The following APPL1 variants were observed in gnomAD, a reference collection of about 807,000 sequenced individuals.
APPL1 encodes the protein adaptor protein, phosphotyrosine interacting with PH domain and leucine zipper 1, also known as DCC-interacting protein 13-alpha.
APPL1 carries 42 observed loss-of-function variants against 106.8 expected under a neutral mutation model. The ratio of observed to expected loss-of-function variants is 0.39; its 90% CI spans 0.31 to 0.51. The LOEUF (loss-of-function observed/expected upper bound fraction) is 0.51. APPL1 is among the 20% of genes least tolerant of loss of function. The pLI, the probability that APPL1 is intolerant of heterozygous loss-of-function variation, is 0.75. For missense variants in APPL1, 769 were observed against 858.2 expected (o/e 0.90, Z 1.30); for synonymous variants, 263 against 281.8 (o/e 0.93, Z 0.67).
At chr3:57,235,977 C>T (rs554528244) in intron 2 of APPL1, among the ~76,000 whole-genome samples, 5 of 152,164 alleles carry the variant, frequency 3.3e-5, no homozygotes, top group East Asian at 1.9e-4. Flanking sequence ...ATGAAGACCC[C>T]ATGTCATCAC....
At chr3:57,260,895 C>T in intron 19 of APPL1, 121 bp downstream of exon 19, 2 of 1,129,412 alleles carry the variant, frequency 1.8e-6, no homozygotes, top group Non-Finnish European at 2.4e-6. Flanking sequence ...GAATTCTTTA[C>T]AATTTATACA....
Position 57,253,724 on chromosome 3 carries a change from A to C in APPL1, c.1138A>C (p.Ser380Arg). The C allele has an allele frequency of 6.9e-7, 1 of 1,441,154 alleles. No individual in the cohort carries two copies. The highest frequency in any genetic ancestry group is 9.2e-7 in the Non-Finnish European group (1 of 1,087,726). 89.3% of individuals were successfully genotyped at this position (1,441,154 alleles called of 1,614,324 possible). A position where few individuals can be genotyped will look rare whatever the true frequency, so the allele number is the denominator to read the frequency against. Reference sequence around the variant, plus strand: ...CAACATATCTAAACAAATATACTTAAGTGAAAATCCAGAGGTAATATTTTT... The same window carrying C: ...CAACATATCTAAACAAATATACTTACGTGAAAATCCAGAGGTAATATTTTT... ...INNISKQIYL[S>R]ENPEETAARV... Residue 380 changes from serine (S) to arginine (R), a missense_variant, in exon 13 of 22, where the codon AGT (serine) becomes CGT (arginine). By Grantham distance (110) the Ser-to-Arg change is moderately radical (BLOSUM62 -1). Transcript: ENST00000288266.
intron 12 of APPL1, 139 bp from the exon 13 acceptor site, chr3:57,253,543 T>A (rs1579394355): frequency 1.8e-6 from 1 of 550,378 alleles, no homozygotes; most frequent in East Asian, 5.4e-5. Context: ...AAACATCTGT[T>A]ATGAAATGTT....
Position 57,259,954 on chromosome 3 carries a change from C to T in APPL1, c.1593C>T (p.Ala531=). 6.2e-7 allele frequency: 1 copy of T among 1,613,884 alleles called. No individual in the cohort carries two copies. Among genetic ancestry groups the T allele is most frequent in the Non-Finnish European group, 8.5e-7 (1 of 1,179,970 alleles). The change falls in exon 17 of 22, where the codon GCC becomes GCT. Residue 531 remains alanine, a synonymous_variant. Transcript: ENST00000288266. ...VYETMRQILA[A]RAIHNIFRMT... ...AAACTATGCGCCAAATCTTAGCTGC[C>T]CGGGCCATCCATAACATCTTTCGTA...
chr3:57,240,810 C>T (rs990961302), intron 5 of APPL1, among the ~76,000 whole-genome samples: 3 of 152,092 alleles, frequency 2.0e-5, no homozygotes, highest in Admixed American at 6.5e-5. Flanking sequence ...ACTTATGTCT[C>T]TTATAATTAG....
At chr3:57,246,010 A>G in intron 7 of APPL1, 66 bp from the exon 8 acceptor site, 4 of 1,211,110 alleles carry the variant, frequency 3.3e-6, no homozygotes, top group Non-Finnish European at 4.4e-6. Flanking sequence ...CCTACTGAAG[A>G]TAATACAAAA....
At chr3:57,237,647 C>A in intron 3 of APPL1, 96 bp downstream of exon 3, 2 of 817,106 alleles carry the variant, frequency 2.4e-6, no homozygotes, top group Admixed American at 3.2e-5. Flanking sequence ...CTTGAATTCA[C>A]AGAATATGCC....
chr3:57,243,805 T>A (rs1232271152), intron 7 of APPL1, among the ~76,000 whole-genome samples: 2 of 152,196 alleles, frequency 1.3e-5, no homozygotes, highest in Non-Finnish European at 2.9e-5. Context: ...TTTGATATAT[T>A]TTACATTACT....
intron 16 of APPL1, 39 bp from the exon 17 acceptor site, chr3:57,259,806 G>GT (rs1376528100): frequency 2.1e-6 from 3 of 1,415,868 alleles, no homozygotes; most frequent in Non-Finnish European, 2.8e-6. Context: ...AATTTATACA[G>GT]TAAAAAAAAA....
intron 12 of APPL1, 63 bp downstream of exon 12, chr3:57,252,374 A>G: frequency 5.8e-6 from 7 of 1,215,348 alleles, no homozygotes; most frequent in Non-Finnish European, 7.1e-6. Flanking sequence ...ATGACAAAAC[A>G]TATATTAATG....
intron 13 of APPL1, among the ~76,000 whole-genome samples, chr3:57,256,330 T>C (rs2060835974): frequency 2.2e-5 from 1 of 45,256 alleles, no homozygotes; most frequent in African/African-American, 8.8e-5. Context: ...TAAATACCAT[T>C]TTTTATTTAG....
Position 57,259,092 on chromosome 3 carries a change from G to A in APPL1, c.1483+12G>A, listed in dbSNP as rs2060851904. The A allele has an allele frequency of 1.9e-6, 3 of 1,606,110 alleles. No individual in the cohort carries two copies. Among genetic ancestry groups the A allele is most frequent in the Non-Finnish European group, 2.6e-6 (3 of 1,174,594 alleles). ...ATCTGAAACTGAAGGTAAGACAGAT[G>A]TGCAGCATTCATATATTTTAGAACT... On this transcript the variant is annotated intron_variant, in intron 16 of 21. Transcript: ENST00000288266.
At position 57,242,963 on chromosome 3, in the gene APPL1, G is replaced by A. The variant is rs776673833; in HGVS notation, c.474+49G>A. On this transcript the variant is annotated intron_variant, in intron 7 of 21. Transcript: ENST00000288266. Reference sequence around the variant, plus strand: ...AGTGTCATAATTAACTATTCATTAGGTGGTTTAGTTTTTCCTCTATCAAAA... The same window carrying A: ...AGTGTCATAATTAACTATTCATTAGATGGTTTAGTTTTTCCTCTATCAAAA... The A allele has an allele frequency of 4.2e-6, 6 of 1,424,622 alleles. No homozygotes were observed. The East Asian group carries it at 9.1e-5, about 22-fold the overall frequency. 88.2% of individuals were successfully genotyped at this position (1,424,622 alleles called of 1,614,324 possible).
intron 1 of APPL1, among the ~76,000 whole-genome samples, chr3:57,234,588 G>A (rs1579379879): frequency 6.6e-6 from 1 of 151,730 alleles, no homozygotes; most frequent in Non-Finnish European, 1.5e-5. Context: ...GTGAGCCACC[G>A]CACCCGGCCT....
At position 57,248,206 on chromosome 3, in the gene APPL1, A is replaced by T; in HGVS notation, c.718A>T (p.Met240Leu). The T allele has an allele frequency of 2.5e-6, 4 of 1,613,444 alleles. No individual in the cohort carries two copies. Among genetic ancestry groups the T allele is most frequent in the Non-Finnish European group, 3.4e-6 (4 of 1,179,652 alleles). Residue 240 changes from methionine to leucine, a missense_variant, in exon 10 of 22, where the codon ATG (methionine) becomes TTG (leucine). Coordinates refer to ENST00000288266, the MANE Select transcript of APPL1 (RefSeq NM_012096.3). The stretch of plus-strand genomic sequence containing the variant: ...GTTCTGTGTCAGTGTTCGCAGGGAA[A>T]TGGACAGTGATATAGAGACCATGCA... The part of the protein sequence containing the change: ...GTSVQNVRRE[M>L]DSDIETMQQT...
rs369672449 is a variant in APPL1, at chr3:57,235,915, TG to T, written c.153+257del. On this transcript the variant is annotated intron_variant, in intron 2 of 21. Coordinates refer to ENST00000288266, the MANE Select transcript of APPL1 (RefSeq NM_012096.3). ...CTGCCCATTCTCCCCAAACATAGTT[TG>T]GGGGGAACCCCCCATTAAACTCACT... Among the ~76,000 whole-genome samples the T allele has an allele frequency of 2.3e-4, 35 of 152,332 alleles. 2 individuals are homozygous for T. In the South Asian group the frequency reaches 7.0e-3, roughly 31 times the overall value.
intron 19 of APPL1, among the ~76,000 whole-genome samples, chr3:57,262,406 T>TTTTTG (rs1276114113): frequency 7.6e-6 from 1 of 132,112 alleles, no homozygotes; most frequent in African/African-American, 2.8e-5. Flanking sequence ...TTTTTTTTTT[T>TTTTTG]TTTTGAGACA....
At position 57,272,843 on chromosome 3, in the gene APPL1, C is replaced by T. The variant is rs2060953255; in HGVS notation, c.*3156C>T. 6.6e-6 allele frequency: 1 copy of T among 152,204 alleles called. No individual in the cohort carries two copies. Among genetic ancestry groups the T allele is most frequent in the African/African-American group, 2.4e-5 (1 of 41,448 alleles). 9.4% of individuals were successfully genotyped at this position (152,204 alleles called of 1,614,324 possible). A position where few individuals can be genotyped will look rare whatever the true frequency, so the allele number is the denominator to read the frequency against. On this transcript the variant is annotated 3_prime_UTR_variant, in exon 22 of 22. Coordinates refer to ENST00000288266, the MANE Select transcript of APPL1 (RefSeq NM_012096.3). ...CTCGATCTCCTGACCTCATGATCCG[C>T]CCGCCTCGGCCTCCCAAAGTGCTGG...
At chr3:57,247,287 T>C in intron 8 of APPL1, 108 bp from the exon 9 acceptor site, 1 of 628,524 alleles carries the variant, frequency 1.6e-6, no homozygotes. Flanking sequence ...GAATATTCCT[T>C]TGTTTTTTAC....
Sources: allele counts gnomAD v4.1 joint callset (sites outside exome capture counted in the v4.1 genomes callset), GRCh38; gene constraint gnomAD v4.1.1; transcripts MANE v1.5; gene names NCBI Gene and HGNC (gene_info 2026-07-23, HGNC 2026-07-21).